The following ERC2 variants were observed in gnomAD, a reference collection of about 807,000 sequenced individuals.
ERC2 encodes ERC protein 2.
ERC2 carries 42 observed loss-of-function variants against 114.8 expected under a neutral mutation model. The ratio of observed to expected loss-of-function variants is 0.37; its 90% CI spans 0.29 to 0.47. The LOEUF is 0.47. Among genes scored for constraint, ERC2 ranks in the 20% least tolerant of loss-of-function variants. The probability of loss-of-function intolerance (pLI) is 0.99; values close to 1 mark genes in which losing one functional copy is unlikely to be tolerated. For synonymous variants in ERC2, 454 were observed against 425.5 expected (o/e 1.07, Z -0.82); for missense variants, 939 against 1,150.7 (o/e 0.82, Z 2.66).
At chr3:56,462,422 A>G (rs576464716) in intron 1 of ERC2, among the ~76,000 whole-genome samples, 3 of 152,288 alleles carry the variant, frequency 2.0e-5, no homozygotes, top group Non-Finnish European at 1.5e-5. Flanking sequence ...CATGTATGTC[A>G]TGCACTCAAG....
At chr3:56,224,203 T>C (rs1453912947) in intron 3 of ERC2, among the ~76,000 whole-genome samples, 1 of 152,226 alleles carries the variant, frequency 6.6e-6, no homozygotes, top group Non-Finnish European at 1.5e-5. Flanking sequence ...AACTCATTTA[T>C]AAGGGAATGT....
At chr3:55,814,688 T>C (rs1164801499) in intron 14 of ERC2, among the ~76,000 whole-genome samples, 3 of 152,184 alleles carry the variant, frequency 2.0e-5, no homozygotes, top group Admixed American at 1.3e-4. Context: ...GGGCTATTTA[T>C]TTACAAGCCT....
At chr3:55,823,260 G>C (rs769932519) in intron 14 of ERC2, among the ~76,000 whole-genome samples, 22 of 152,102 alleles carry the variant, frequency 1.4e-4, no homozygotes, top group Non-Finnish European at 7.4e-5. Flanking sequence ...TTGCTCCAAG[G>C]CTTTAAATTC....
At chr3:55,884,832 C>A (rs1000671359) in intron 14 of ERC2, among the ~76,000 whole-genome samples, 8 of 151,948 alleles carry the variant, frequency 5.3e-5, no homozygotes, top group African/African-American at 1.9e-4. Flanking sequence ...TTCAAAAGCC[C>A]CCTTTAGGTT....
At chr3:55,557,174 G>A (rs1559649327) in intron 17 of ERC2, among the ~76,000 whole-genome samples, 1 of 152,196 alleles carries the variant, frequency 6.6e-6, no homozygotes, top group East Asian at 1.9e-4. Flanking sequence ...GAGATGGCTC[G>A]TAGCACTGCT....
chr3:56,163,164 A>C (rs1343567806), intron 4 of ERC2, among the ~76,000 whole-genome samples: 2 of 152,042 alleles, frequency 1.3e-5, no homozygotes, highest in African/African-American at 4.8e-5. Flanking sequence ...TTTCCATGTA[A>C]TTATGTGCTT....
At chr3:55,515,640 G>A (rs977396204) in intron 17 of ERC2, among the ~76,000 whole-genome samples, 5 of 147,332 alleles carry the variant, frequency 3.4e-5, no homozygotes, top group African/African-American at 1.0e-4. Context: ...TATTTTCTTT[G>A]TGGGGAGAAA....
chr3:56,210,260 C>T (rs868218213), intron 3 of ERC2, among the ~76,000 whole-genome samples: 3 of 151,760 alleles, frequency 2.0e-5, no homozygotes, highest in South Asian at 4.2e-4. Flanking sequence ...TTATTATCCA[C>T]GGGAAAAACA....
intron 14 of ERC2, among the ~76,000 whole-genome samples, chr3:55,750,980 G>A (rs182598243): frequency 4.6e-5 from 7 of 152,284 alleles, no homozygotes; most frequent in Non-Finnish European, 1.0e-4. Flanking sequence ...CACTTGAATA[G>A]TCTTATTTAA....
At chr3:56,346,157 T>C (rs2058299064) in intron 2 of ERC2, among the ~76,000 whole-genome samples, 1 of 152,160 alleles carries the variant, frequency 6.6e-6, no homozygotes, top group Non-Finnish European at 1.5e-5. Flanking sequence ...GAATTCAGTG[T>C]AACACTTTGA....
At chr3:56,315,703 C>T (rs1486505664) in intron 2 of ERC2, among the ~76,000 whole-genome samples, 1 of 151,852 alleles carries the variant, frequency 6.6e-6, no homozygotes, top group Non-Finnish European at 1.5e-5. Flanking sequence ...CTTATTTCAT[C>T]CCTTGATGTT....
chr3:55,583,947 G>T (rs991381370), intron 17 of ERC2, among the ~76,000 whole-genome samples: 1 of 152,106 alleles, frequency 6.6e-6, no homozygotes, highest in Non-Finnish European at 1.5e-5. Flanking sequence ...TTCTGGGATA[G>T]AATTTTGGCT....
intron 14 of ERC2, among the ~76,000 whole-genome samples, chr3:55,853,023 T>C (rs1480496356): frequency 3.9e-5 from 6 of 152,176 alleles, no homozygotes; most frequent in Non-Finnish European, 4.4e-5. Context: ...CCCATCCCAC[T>C]GTCCAGTTTT....
rs183022770 is a variant in ERC2 at position 56,394,719 on chromosome 3, G to T, written c.657+39632C>A. On this transcript the variant is annotated intron_variant, in intron 2 of 17. Coordinates refer to ENST00000288221, the MANE Select transcript of ERC2 (RefSeq NM_015576.3). ...TAATCAAAAAGTCAGATAATAGCAG[G>T]TGATGGCAAGGATGCTGAAAAACTA... Among the ~76,000 whole-genome samples the T allele has an allele frequency of 1.6e-4, 24 of 152,258 alleles. No individual in the cohort carries two copies. The East Asian group carries it at 4.6e-3, about 29-fold the overall frequency.
At chr3:55,675,637 G>A (rs998535057) in intron 17 of ERC2, among the ~76,000 whole-genome samples, 3 of 152,096 alleles carry the variant, frequency 2.0e-5, no homozygotes, top group Admixed American at 2.0e-4. Flanking sequence ...AGAGCATTAC[G>A]TTGGCCACCA....
At chr3:55,852,794 A>G (rs2061629557) in intron 14 of ERC2, among the ~76,000 whole-genome samples, 1 of 152,194 alleles carries the variant, frequency 6.6e-6, no homozygotes, top group African/African-American at 2.4e-5. Context: ...TTGTTTCAAA[A>G]TTACTCAATA....
At chr3:55,539,951 T>C (rs2107333858) in intron 17 of ERC2, among the ~76,000 whole-genome samples, 1 of 151,968 alleles carries the variant, frequency 6.6e-6, no homozygotes, top group South Asian at 2.1e-4. Flanking sequence ...TTGTAAACTT[T>C]TTACAGTTCT....
At chr3:56,104,704 T>C (rs550327371) in intron 6 of ERC2, among the ~76,000 whole-genome samples, 1 of 152,130 alleles carries the variant, frequency 6.6e-6, no homozygotes, top group East Asian at 1.9e-4. Flanking sequence ...TACCCAGCTG[T>C]ACCATGTCTT....
chr3:56,229,862 CTTTTTTTTTTTTTTT>C (rs34357962), intron 3 of ERC2, among the ~76,000 whole-genome samples: 1 of 56,628 alleles, frequency 1.8e-5, no homozygotes, highest in Non-Finnish European at 3.2e-5. Flanking sequence ...AATATCTAGT[CTTTTTTTTTTTTTTT>C]TTTTTTTTTT....
Sources: allele counts gnomAD v4.1 joint callset (sites outside exome capture counted in the v4.1 genomes callset), GRCh38; gene constraint gnomAD v4.1.1; transcripts MANE v1.5; gene names NCBI Gene and HGNC (gene_info 2026-07-23, HGNC 2026-07-21).